MALRD1: variants seen among roughly 807,000 people sequenced by gnomAD.
MALRD1 encodes MAM and LDL receptor class A domain containing 1.
Under a neutral mutation model 242.1 loss-of-function variants are expected in MALRD1, and 247 were observed. The observed-to-expected ratio is 1.02, with a 90% confidence interval of 0.92 to 1.13. MALRD1 has a LOEUF of 1.13. Ranked by LOEUF, MALRD1 falls within the 50% of genes most tolerant of loss-of-function variation. MALRD1 has a pLI of 0.00. For missense variants in MALRD1, 2,989 were observed against 2,533.1 expected, an observed-to-expected ratio of 1.18 and a Z score of -3.86; for synonymous variants, 995 against 866.6, an observed-to-expected ratio of 1.15 and a Z score of -2.60.
chr10:19,056,617 T>C (rs1834676746), intron 1 of MALRD1, among the ~76,000 whole-genome samples: 2 of 152,130 alleles, frequency 1.3e-5, no homozygotes, highest in South Asian at 4.1e-4. Context: ...TATAAGATTA[T>C]GTCATCTGCA....
At chr10:19,200,673 G>A (rs1339668977) in intron 14 of MALRD1, among the ~76,000 whole-genome samples, 1 of 36,028 alleles carries the variant, frequency 2.8e-5, no homozygotes, top group Non-Finnish European at 5.5e-5. Context: ...TTTTTTTTTG[G>A]CTTCTACATA....
At chr10:19,259,413 T>C (rs1588797580) in intron 19 of MALRD1, among the ~76,000 whole-genome samples, 3 of 152,250 alleles carry the variant, frequency 2.0e-5, no homozygotes, top group South Asian at 2.1e-4. Flanking sequence ...GACTCACAGT[T>C]CTACATGGCT....
rs150721922 is a variant in MALRD1, at chr10:19,566,013, C to G, written c.5479-1489C>G. Among the ~76,000 whole-genome samples, 20 of 152,214 alleles carry G rather than the reference C, an allele frequency of 1.3e-4. 1 individual carries two copies. Among genetic ancestry groups the G allele is most frequent in the Non-Finnish European group, 2.8e-4 (19 of 68,020 alleles). On this transcript the variant is annotated intron_variant, in intron 32 of 39. Transcript: ENST00000454679. ...TTGGGGACACTAGCAGCATTCTTATCTTCTGTCTCTGGAATATTTGGTGAT... is the reference window on the plus strand; with the variant it reads ...TTGGGGACACTAGCAGCATTCTTATGTTCTGTCTCTGGAATATTTGGTGAT...
chr10:19,310,249 CAG>C (rs1400298875), intron 21 of MALRD1, among the ~76,000 whole-genome samples: 1 of 151,440 alleles, frequency 6.6e-6, no homozygotes, highest in Non-Finnish European at 1.5e-5. Context: ...TTATTGGTAA[CAG>C]AGACTGATTT....
chr10:19,638,598 A>G (rs1840252014), intron 36 of MALRD1, among the ~76,000 whole-genome samples: 1 of 152,184 alleles, frequency 6.6e-6, no homozygotes, highest in Admixed American at 6.5e-5. Flanking sequence ...TGTTGTTTTT[A>G]AGAGAAGAGA....
chr10:19,421,734 C>G (rs573497995), intron 28 of MALRD1, among the ~76,000 whole-genome samples: 1 of 152,252 alleles, frequency 6.6e-6, no homozygotes, highest in East Asian at 1.9e-4. Flanking sequence ...GTCAGCAGCT[C>G]ATAAAGGTGA....
chr10:19,273,298 C>T (rs1004812239), intron 19 of MALRD1, among the ~76,000 whole-genome samples: 1 of 152,080 alleles, frequency 6.6e-6, no homozygotes, highest in African/African-American at 2.4e-5. Context: ...GGTAGAAATA[C>T]CAAGTTATAT....
chr10:19,635,642 T>C (rs558651766), intron 36 of MALRD1, among the ~76,000 whole-genome samples: 5 of 152,304 alleles, frequency 3.3e-5, no homozygotes, highest in African/African-American at 1.2e-4. Flanking sequence ...AAAGCTACAA[T>C]GTATGGCTGC....
Position 19,678,576 on chromosome 10 carries a change from T to C in MALRD1, c.6138-13706T>C, listed in dbSNP as rs139309956. On this transcript the variant is annotated intron_variant, in intron 36 of 39. Transcript: ENST00000454679. ...AGCTTAAGAAGCTTTTGGGCTGAGA[T>C]GATAGGGTTTTATAGATATAGGATT... Among the ~76,000 whole-genome samples, 625 of 152,224 alleles carry C rather than the reference T, an allele frequency of 4.1e-3. 7 individuals carry two copies. In the East Asian group the frequency reaches 0.059, roughly 14 times the overall value.
intron 10 of MALRD1, among the ~76,000 whole-genome samples, chr10:19,137,218 C>T (rs963915262): frequency 1.3e-5 from 2 of 151,846 alleles, no homozygotes; most frequent in African/African-American, 4.8e-5. Flanking sequence ...GGAGGGTGGC[C>T]CTTCCTCCAG....
chr10:19,380,528 T>C (rs1381876497), intron 26 of MALRD1, among the ~76,000 whole-genome samples: 1 of 152,092 alleles, frequency 6.6e-6, no homozygotes, highest in Non-Finnish European at 1.5e-5. Context: ...TTTTCTCTCT[T>C]AAGTAAAATC....
At chr10:19,092,029 A>G (rs1182328700) in intron 4 of MALRD1, among the ~76,000 whole-genome samples, 1 of 29,618 alleles carries the variant, frequency 3.4e-5, no homozygotes, top group African/African-American at 2.7e-4. Context: ...CAATTTTGGA[A>G]TAGGTGTGGT....
intron 36 of MALRD1, among the ~76,000 whole-genome samples, chr10:19,637,824 G>C (rs546443022): frequency 1.1e-4 from 17 of 152,210 alleles, no homozygotes; most frequent in Admixed American, 1.0e-3. Flanking sequence ...CGGTAAGCCA[G>C]ATACGGTGGT....
At chr10:19,195,292 T>C (rs994263499) in intron 14 of MALRD1, among the ~76,000 whole-genome samples, 6 of 152,226 alleles carry the variant, frequency 3.9e-5, no homozygotes, top group Non-Finnish European at 7.3e-5. Context: ...GCTTTCAAGA[T>C]GGCAAATTCC....
intron 29 of MALRD1, among the ~76,000 whole-genome samples, chr10:19,470,789 T>TA (rs1212540297): frequency 2.0e-5 from 3 of 151,578 alleles, no homozygotes. Context: ...ATTATTTTTT[T>TA]TCTGTTGTAT....
In MALRD1 at chr10:19,165,652, C is replaced by T. The variant is rs1305051401; in HGVS notation, c.1672C>T (p.His558Tyr). ...STPCQVQFWY[H>Y]LSQHSNLSVF... ...TTTTCAACAGGTGCAGTTTTGGTAT[C>T]ATTTGTCTCAACATTCAAATCTCTC... The change falls in exon 13 of 40, where the codon CAT (histidine) becomes TAT (tyrosine). Residue 558 changes from histidine (H) to tyrosine (Y), a missense_variant. By Grantham distance (83) the His-to-Tyr change is moderately conservative. Transcript: ENST00000454679. 1 of 1,231,408 alleles carries T rather than the reference C, an allele frequency of 8.1e-7. No individual in the cohort carries two copies. The highest frequency in any genetic ancestry group is 1.0e-6 in the Non-Finnish European group (1 of 987,806). The allele number at this position is 1,231,408 out of a possible 1,614,324, so 76.3% of individuals were successfully genotyped here. A position where few individuals can be genotyped will look rare whatever the true frequency, so the allele number is the denominator to read the frequency against.
chr10:19,465,637 C>T (rs1169394597), intron 29 of MALRD1, among the ~76,000 whole-genome samples: 2 of 152,088 alleles, frequency 1.3e-5, no homozygotes, highest in African/African-American at 2.4e-5. Flanking sequence ...CTCCAGCAAT[C>T]CTCCCACCTC....
intron 4 of MALRD1, among the ~76,000 whole-genome samples, chr10:19,094,737 AG>A (rs1303729614): frequency 1.1e-4 from 17 of 152,358 alleles, no homozygotes; most frequent in African/African-American, 3.8e-4. Context: ...ATGCTGTTGA[AG>A]TAGAATAATT....
At chr10:19,447,693 G>T (rs1297632154) in intron 28 of MALRD1, among the ~76,000 whole-genome samples, 2 of 152,108 alleles carry the variant, frequency 1.3e-5, no homozygotes, top group Non-Finnish European at 2.9e-5. Context: ...ATCAAGACAG[G>T]CTTTTGTCAA....
Sources: allele counts gnomAD v4.1 joint callset (sites outside exome capture counted in the v4.1 genomes callset), GRCh38; gene constraint gnomAD v4.1.1; transcripts MANE v1.5; gene names NCBI Gene and HGNC (gene_info 2026-07-23, HGNC 2026-07-21).